Variants in CHFR observed in about 807,000 individuals in gnomAD.
CHFR encodes E3 ubiquitin-protein ligase CHFR.
Under a neutral mutation model 87.6 loss-of-function variants are expected in CHFR, and 57 were observed. The ratio of observed to expected loss-of-function variants is 0.65; its 90% CI spans 0.53 to 0.81. The LOEUF is 0.81. Ranked by LOEUF, CHFR falls within the 30% of genes least tolerant of loss-of-function variation. The pLI is 0.00. For synonymous variants in CHFR, 381 were observed against 359.2 expected, an observed-to-expected ratio of 1.06 and a Z score of -0.69; for missense variants, 797 against 865.8, an observed-to-expected ratio of 0.92 and a Z score of 1.00.
intron 2 of CHFR, among the ~76,000 whole-genome samples, chr12:132,885,008 A>C (rs1169183346): frequency 6.6e-6 from 1 of 151,668 alleles, no homozygotes; most frequent in Non-Finnish European, 1.5e-5. Flanking sequence ...GAATCGCTTG[A>C]ACCTGGAAGA....
chr12:132,886,115 C>T (rs1422942210), intron 2 of CHFR, among the ~76,000 whole-genome samples: 1 of 152,106 alleles, frequency 6.6e-6, no homozygotes, highest in Non-Finnish European at 1.5e-5. Flanking sequence ...TGTTCAAGAC[C>T]AGCCTGGGCA....
intron 7 of CHFR, among the ~76,000 whole-genome samples, chr12:132,860,009 C>T (rs1057430992): frequency 1.3e-5 from 2 of 152,126 alleles, no homozygotes; most frequent in African/African-American, 2.4e-5. Context: ...TGCACCACGG[C>T]GCTCTGGCCT....
At chr12:132,861,340 T>C in intron 7 of CHFR, 127 bp downstream of exon 7, 1 of 920,992 alleles carries the variant, frequency 1.1e-6, no homozygotes, top group Admixed American at 2.4e-5. Context: ...GTTACAGGCA[T>C]CAACCTGAGG....
At chr12:132,856,667 T>G in intron 9 of CHFR, 37 bp from the exon 10 acceptor site, 2 of 1,605,898 alleles carry the variant, frequency 1.2e-6, no homozygotes, top group Non-Finnish European at 1.7e-6. Context: ...TCACCGGCAG[T>G]GAGACATGGC....
At chr12:132,855,197 ATGCCAC>A (rs933849155) in intron 10 of CHFR, 1 of 149,306 alleles carries the variant, frequency 6.7e-6, no homozygotes, top group African/African-American at 2.5e-5. Flanking sequence ...GGCGAAGGTC[ATGCCAC>A]TGCACTCCAG....
rs1950661825 is a variant in CHFR at position 132,838,097 on chromosome 12, GGAAA to G, written c.*3453_*3456del. 2.0e-5 allele frequency: 3 copies of G among 152,400 alleles called. No homozygotes were observed. Among genetic ancestry groups the G allele is most frequent in the Non-Finnish European group, 2.9e-5 (2 of 68,224 alleles). 9.4% of individuals were successfully genotyped at this position (152,400 alleles called of 1,614,324 possible). The stretch of plus-strand genomic sequence containing the variant: ...GCCCGAAGCTGGGGGGCTGTCACCA[GGAAA>G]CCCTTGCTGGCGGAAGCCCCTTCCA... On this transcript the variant is annotated 3_prime_UTR_variant, in exon 18 of 18. Transcript: ENST00000450056.
At chr12:132,848,538 C>T (rs1950874494) in intron 13 of CHFR, 103 bp downstream of exon 13, 5 of 864,894 alleles carry the variant, frequency 5.8e-6, no homozygotes, top group Non-Finnish European at 9.3e-6. Flanking sequence ...GTGGCCTCAT[C>T]CCTATAAACA....
At chr12:132,853,212 G>T (rs1033318947) in intron 11 of CHFR, among the ~76,000 whole-genome samples, 6 of 152,184 alleles carry the variant, frequency 3.9e-5, no homozygotes, top group African/African-American at 1.4e-4. Flanking sequence ...TGTTCAGGAG[G>T]GGCTACGAAT....
At chr12:132,883,902 G>A (rs1208989012) in intron 2 of CHFR, among the ~76,000 whole-genome samples, 2 of 152,362 alleles carry the variant, frequency 1.3e-5, no homozygotes, top group East Asian at 1.9e-4. Flanking sequence ...CATTTGATTT[G>A]AGGCCAGGAG....
rs76934175 is a variant in CHFR at position 132,837,974 on chromosome 12, C to A, written c.*3580G>T. The A allele has an allele frequency of 0.2, 31,215 of 152,340 alleles. 4,138 individuals are homozygous for A. Among genetic ancestry groups the A allele is most frequent in the Non-Finnish European group, 0.3 (20,642 of 68,060 alleles). The allele number at this position is 152,340 out of a possible 1,614,324, so 9.4% of individuals were successfully genotyped here. ...CCTTCCCTTCCCAGTGCAGGGCTCC[C>A]GGCAACCTAGCGGCCCTGGCAGTGA... is the stretch of plus-strand genomic sequence containing the variant. On this transcript the variant is annotated 3_prime_UTR_variant, in exon 18 of 18. Coordinates refer to ENST00000450056, the MANE Select transcript of CHFR (RefSeq NM_001161346.2).
At position 132,851,731 on chromosome 12, in the gene CHFR, T is replaced by C. The variant is rs765605647; in HGVS notation, c.1379A>G (p.Gln460Arg). ...STSVSLTTAV[Q>R]DYVCPLQGSH... is the part of the protein sequence containing the mutation. ...TCCTTGCAGAGGGCACACGTAATCC[T>C]GGACTGCTGAAGCACACGCACATTC... The change falls in exon 12 of 18, where the codon CAG becomes CGG. Residue 460 changes from glutamine to arginine, a missense_variant. Physicochemically the swap from Gln to Arg is conservative, Grantham distance 43 (BLOSUM62 1). Transcript: ENST00000450056. 20 of 1,612,134 alleles carry C rather than the reference T, an allele frequency of 1.2e-5. No individual in the cohort carries two copies. Among genetic ancestry groups the C allele is most frequent in the East Asian group, 2.2e-5 (1 of 44,808 alleles).
At chr12:132,848,333 C>T (rs1313905812) in intron 13 of CHFR, 178 bp from the exon 14 acceptor site, 2 of 1,206,850 alleles carry the variant, frequency 1.7e-6, no homozygotes, top group Admixed American at 4.0e-5. Context: ...CCATTCCACT[C>T]CCTCCTTAAA....
chr12:132,859,336 C>G (rs902249492), intron 7 of CHFR, 109 bp from the exon 8 acceptor site: 3 of 1,087,912 alleles, frequency 2.8e-6, no homozygotes, highest in African/African-American at 3.2e-5. Context: ...CTGTCGTAAC[C>G]GAGAAGGAAA....
At chr12:132,842,157 T>C (rs1341389183) in intron 17 of CHFR, among the ~76,000 whole-genome samples, 1 of 151,140 alleles carries the variant, frequency 6.6e-6, no homozygotes, top group African/African-American at 2.4e-5. Flanking sequence ...ATAATTTTTT[T>C]AGAGAAGAGA....
chr12:132,863,694 C>G (rs992215142), intron 6 of CHFR, among the ~76,000 whole-genome samples: 2 of 152,088 alleles, frequency 1.3e-5, no homozygotes, highest in Non-Finnish European at 2.9e-5. Context: ...GCTATCTCCA[C>G]GAGCAAGAAG....
chr12:132,856,693 A>C, intron 9 of CHFR, 63 bp from the exon 10 acceptor site: 8 of 1,554,836 alleles, frequency 5.1e-6, no homozygotes, highest in South Asian at 1.1e-5. Context: ...GACACAGCTC[A>C]CACTGCTGGG....
At chr12:132,864,090 C>A (rs1266393584) in intron 6 of CHFR, among the ~76,000 whole-genome samples, 1 of 151,508 alleles carries the variant, frequency 6.6e-6, no homozygotes, top group Non-Finnish European at 1.5e-5. Context: ...GTGTGAATAA[C>A]CTATATCTTA....
At chr12:132,851,095 A>G (rs1950933763) in intron 12 of CHFR, among the ~76,000 whole-genome samples, 1 of 151,746 alleles carries the variant, frequency 6.6e-6, no homozygotes, top group Non-Finnish European at 1.5e-5. Flanking sequence ...GACTCAAGCC[A>G]TCCTTTGGCC....
chr12:132,841,482 G>A lies in CHFR; in HGVS notation c.*72C>T. The A allele has an allele frequency of 5.2e-6, 7 of 1,349,966 alleles. No homozygotes were observed. The highest frequency in any genetic ancestry group is 7.4e-6 in the Non-Finnish European group (7 of 939,598). The allele number at this position is 1,349,966 out of a possible 1,614,324, so 83.6% of individuals were successfully genotyped here. On this transcript the variant is annotated 3_prime_UTR_variant, in exon 18 of 18. Transcript: ENST00000450056. ...GGGGGCTGTGAAAACACCTTGACGT[G>A]CTTGTCTCTGTATTTTAAAAACACG...
Sources: allele counts gnomAD v4.1 joint callset (sites outside exome capture counted in the v4.1 genomes callset), GRCh38; gene constraint gnomAD v4.1.1; transcripts MANE v1.5; gene names NCBI Gene and HGNC (gene_info 2026-07-23, HGNC 2026-07-21).